RHOT1: variants seen among roughly 807,000 people sequenced by gnomAD.
RHOT1 encodes ras homolog family member T1, also known as mitochondrial Rho GTPase 1.
RHOT1 carries 27 observed loss-of-function variants against 95.3 expected under a neutral mutation model. That is an observed-to-expected ratio of 0.28 (90% CI 0.21 to 0.39). RHOT1 has a LOEUF of 0.39. Among genes scored for constraint, RHOT1 ranks in the 10% least tolerant of loss-of-function variants. The pLI, the probability that RHOT1 is intolerant of heterozygous loss-of-function variation, is 1.00. For missense variants in RHOT1, 578 were observed against 786.7 expected, an observed-to-expected ratio of 0.73 and a Z score of 3.17; for synonymous variants, 227 against 263.5, an observed-to-expected ratio of 0.86 and a Z score of 1.34.
At chr17:32,201,240 AAAG>A (rs1164844999) in intron 14 of RHOT1, among the ~76,000 whole-genome samples, 184 bp downstream of exon 14, 1 of 152,218 alleles carries the variant, frequency 6.6e-6, no homozygotes, top group East Asian at 1.9e-4. Flanking sequence ...TTATGAAAAG[AAAG>A]AAAGTAGAGA....
chr17:32,202,931 C>A (rs2037427861), intron 15 of RHOT1, 31 bp downstream of exon 15: 2 of 1,597,558 alleles, frequency 1.3e-6, no homozygotes. Flanking sequence ...CAATTTTATC[C>A]AACAAATTTT....
intron 6 of RHOT1, among the ~76,000 whole-genome samples, chr17:32,177,285 G>A (rs968034980): frequency 6.6e-6 from 1 of 152,152 alleles, no homozygotes; most frequent in African/African-American, 2.4e-5. Flanking sequence ...CGTTTCAAGT[G>A]CTCATAGCCA....
intron 11 of RHOT1, among the ~76,000 whole-genome samples, chr17:32,197,072 G>A (rs57983410): frequency 2.6e-5 from 4 of 151,066 alleles, no homozygotes; most frequent in Admixed American, 6.6e-5. Context: ...GCAGTGAGCC[G>A]AGATCGCACC....
chr17:32,152,463 T>C (rs2032430038), intron 1 of RHOT1, among the ~76,000 whole-genome samples: 1 of 151,850 alleles, frequency 6.6e-6, no homozygotes, highest in Admixed American at 6.6e-5. Context: ...TTCTAATGAG[T>C]TTTAAGAAGA....
intron 9 of RHOT1, among the ~76,000 whole-genome samples, chr17:32,192,774 C>T (rs759644036): frequency 2.1e-4 from 31 of 151,186 alleles, no homozygotes; most frequent in South Asian, 2.1e-4. Flanking sequence ...CGGGTTCAAG[C>T]GATTCTCCTG....
At chr17:32,224,586 T>G (rs1305044789) in intron 19 of RHOT1, 30 bp from the exon 20 acceptor site, 17 of 1,474,726 alleles carry the variant, frequency 1.2e-5, no homozygotes, top group Non-Finnish European at 1.5e-5. Context: ...TAATCATGTT[T>G]TAAATAATAA....
chr17:32,192,369 A>C lies in RHOT1; in HGVS notation c.639+70A>C, dbSNP rs1417744570. 6 of 840,142 alleles carry C rather than the reference A, an allele frequency of 7.1e-6. No individual in the cohort carries two copies. In the Middle Eastern group the frequency reaches 1.4e-3, roughly 198 times the overall value. 52.0% of individuals were successfully genotyped at this position (840,142 alleles called of 1,614,324 possible). ...TTTTTTTTTTGCTGAAAGCTGTAAA[A>C]TGTGTTAGCTTAAACAACAAGAACA... On this transcript the variant is annotated intron_variant, in intron 9 of 19. Coordinates refer to ENST00000545287, the MANE Select transcript of RHOT1 (RefSeq NM_001033566.3).
Position 32,199,521 on chromosome 17 carries a change from A to G in RHOT1, c.1071A>G (p.Ile357Met). ...TTTGTACCAATGAAAGAGGCTGGATAACCTACCAGGGATTCCTTTCCCAGT... is the reference window on the plus strand; with the variant it reads ...TTTGTACCAATGAAAGAGGCTGGATGACCTACCAGGGATTCCTTTCCCAGT... The part of the protein sequence containing the change: ...NTVCTNERGW[I>M]TYQGFLSQWT... Residue 357 changes from isoleucine (I) to methionine (M), a missense_variant, in exon 13 of 20, where the codon ATA becomes ATG. Physicochemically the swap from Ile to Met is conservative, Grantham distance 10. This residue lies in a region of RHOT1 where 227 missense variants were observed against 316.0 expected (regional missense o/e 0.72). Coordinates refer to ENST00000545287, the MANE Select transcript of RHOT1 (RefSeq NM_001033566.3). The G allele has an allele frequency of 6.2e-7, 1 of 1,611,768 alleles. No individual in the cohort carries two copies. Among genetic ancestry groups the G allele is most frequent in the East Asian group, 2.2e-5 (1 of 44,784 alleles).
At chr17:32,213,349 T>G (rs1469260715) in intron 19 of RHOT1, among the ~76,000 whole-genome samples, 1 of 152,218 alleles carries the variant, frequency 6.6e-6, no homozygotes, top group Non-Finnish European at 1.5e-5. Context: ...ATGTACTGTT[T>G]TTCAAGTTAC....
At chr17:32,169,743 C>T (rs1432248144) in intron 1 of RHOT1, among the ~76,000 whole-genome samples, 1 of 152,152 alleles carries the variant, frequency 6.6e-6, no homozygotes, top group Non-Finnish European at 1.5e-5. Context: ...TGGTGGCTCA[C>T]ACCTGTAATC....
At chr17:32,164,709 C>CA (rs1170353181) in intron 1 of RHOT1, among the ~76,000 whole-genome samples, 3 of 140,584 alleles carry the variant, frequency 2.1e-5, no homozygotes, top group African/African-American at 9.0e-5. Flanking sequence ...ACTAAAAATA[C>CA]AAAAAATTAG....
intron 1 of RHOT1, among the ~76,000 whole-genome samples, chr17:32,144,549 T>C (rs544993538): frequency 2.9e-4 from 44 of 151,478 alleles, no homozygotes; most frequent in Non-Finnish European, 5.5e-4. Flanking sequence ...AAAAAACCTT[T>C]AATAATGCTC....
intron 1 of RHOT1, among the ~76,000 whole-genome samples, chr17:32,168,579 A>C (rs1455855362): frequency 6.6e-6 from 1 of 150,592 alleles, no homozygotes; most frequent in East Asian, 1.9e-4. Flanking sequence ...AGACATATAT[A>C]TATACACACA....
chr17:32,186,600 C>T (rs1290543091), intron 8 of RHOT1, among the ~76,000 whole-genome samples: 1 of 152,042 alleles, frequency 6.6e-6, no homozygotes, highest in Non-Finnish European at 1.5e-5. Flanking sequence ...CTCCTGACCT[C>T]GTGATCCGCC....
chr17:32,142,789 T>G, intron 1 of RHOT1, 60 bp downstream of exon 1: 1 of 1,251,470 alleles, frequency 8.0e-7, no homozygotes. Context: ...CTGCAGCCCC[T>G]GTCGCCCCTG....
At chr17:32,145,112 C>A (rs1409232483) in intron 1 of RHOT1, among the ~76,000 whole-genome samples, 1 of 151,988 alleles carries the variant, frequency 6.6e-6, no homozygotes, top group African/African-American at 2.4e-5. Flanking sequence ...GGAAACTGAC[C>A]AACATGACGA....
intron 1 of RHOT1, among the ~76,000 whole-genome samples, chr17:32,163,470 G>A (rs1375521576): frequency 1.3e-5 from 2 of 151,962 alleles, no homozygotes; most frequent in Non-Finnish European, 2.9e-5. Context: ...GGTGGCTCAC[G>A]CCTGGTAATC....
intron 11 of RHOT1, among the ~76,000 whole-genome samples, chr17:32,198,581 C>T (rs1439999434): frequency 2.0e-5 from 3 of 152,050 alleles, no homozygotes; most frequent in African/African-American, 7.2e-5. Flanking sequence ...TGGTAGTGTG[C>T]GCCTGTGGTC....
At chr17:32,172,772 G>T (rs2034682388) in intron 2 of RHOT1, among the ~76,000 whole-genome samples, 1 of 152,254 alleles carries the variant, frequency 6.6e-6, no homozygotes, top group South Asian at 2.1e-4. Flanking sequence ...AGAGCTTGCA[G>T]TGAGCTGAGA....
Sources: gnomAD v4.1 joint callset for allele counts (sites outside exome capture counted in the v4.1 genomes callset) on GRCh38, gnomAD v4.1.1 for gene constraint, gnomAD v4.1.1 regional missense constraint, MANE v1.5 for transcripts, NCBI Gene and HGNC (gene_info 2026-07-23, HGNC 2026-07-21) for gene names.